CSMD1: variants seen among roughly 807,000 people sequenced by gnomAD.
The protein encoded by CSMD1 is CUB and Sushi multiple domains 1, also known as CUB and sushi domain-containing protein 1.
Under a neutral mutation model 417.5 loss-of-function variants are expected in CSMD1, and 213 were observed. That is an observed-to-expected ratio of 0.51 (90% confidence interval 0.46 to 0.57). CSMD1 has a LOEUF of 0.57. Ranked by LOEUF, CSMD1 falls within the 20% of genes least tolerant of loss-of-function variation. The pLI is 0.00. For missense variants in CSMD1, 6,923 were observed against 4,529.7 expected, an observed-to-expected ratio of 1.53 and a Z score of -15.17; for synonymous variants, 2,862 against 1,736.8, an observed-to-expected ratio of 1.65 and a Z score of -16.11.
At chr8:4,273,835 G>C (rs143373236) in intron 3 of CSMD1, among the ~76,000 whole-genome samples, 3 of 152,138 alleles carry the variant, frequency 2.0e-5, no homozygotes, top group African/African-American at 7.2e-5. Flanking sequence ...CCAAATGGTT[G>C]TGAAGGTGAA....
rs371046482 is a variant in CSMD1 at position 3,243,438 on chromosome 8, T to C, written c.4154-13207A>G. Among the ~76,000 whole-genome samples, 63 of 141,320 alleles carry C rather than the reference T, an allele frequency of 4.5e-4. 1 individual carries two copies. In the East Asian group the frequency reaches 8.2e-3, roughly 18 times the overall value. The allele number at this position is 141,320 out of a possible 152,430, so 92.7% of individuals were successfully genotyped here. A position where few individuals can be genotyped will look rare whatever the true frequency, so the allele number is the denominator to read the frequency against. ...AAAGAGAGTCACTGAAGGGAGACTT[T>C]GAGTAGGTAAAGGAAAATTACAGTC... On this transcript the variant is annotated intron_variant, in intron 26 of 69. Transcript: ENST00000635120.
At chr8:3,452,899 C>A (rs1045089253) in intron 12 of CSMD1, among the ~76,000 whole-genome samples, 1 of 152,164 alleles carries the variant, frequency 6.6e-6, no homozygotes, top group East Asian at 1.9e-4. Context: ...ATGGTACCAG[C>A]TCCTCCTTGT....
intron 3 of CSMD1, among the ~76,000 whole-genome samples, chr8:4,265,442 C>G (rs1804181180): frequency 2.0e-5 from 1 of 50,348 alleles, no homozygotes; most frequent in African/African-American, 3.6e-5. Context: ...AAAGTGTCCT[C>G]TAACTTAATT....
At chr8:2,951,677 T>C (rs1226862984) in intron 65 of CSMD1, among the ~76,000 whole-genome samples, 1 of 152,180 alleles carries the variant, frequency 6.6e-6, no homozygotes, top group African/African-American at 2.4e-5. Flanking sequence ...CCAAGTCTAC[T>C]CTTTGAAAGA....
intron 6 of CSMD1, among the ~76,000 whole-genome samples, chr8:3,749,147 A>G (rs1797197318): frequency 6.6e-6 from 1 of 152,208 alleles, no homozygotes; most frequent in African/African-American, 2.4e-5. Context: ...AAACGTCTAG[A>G]TGATGGATTG....
At chr8:3,459,460 C>G (rs1473899889) in intron 12 of CSMD1, among the ~76,000 whole-genome samples, 1 of 152,208 alleles carries the variant, frequency 6.6e-6, no homozygotes, top group African/African-American at 2.4e-5. Flanking sequence ...TGACCTGAAT[C>G]TCCGTCTATG....
At chr8:4,114,030 T>C (rs1802001403) in intron 3 of CSMD1, among the ~76,000 whole-genome samples, 1 of 152,132 alleles carries the variant, frequency 6.6e-6, no homozygotes. Flanking sequence ...ACATCTAAGA[T>C]CATTGATGAA....
chr8:4,680,785 G>C (rs1040634146), intron 1 of CSMD1, among the ~76,000 whole-genome samples: 6 of 151,966 alleles, frequency 3.9e-5, no homozygotes, highest in African/African-American at 1.5e-4. Context: ...TCACCATGTT[G>C]GCCAGGATGG....
At position 4,495,447 on chromosome 8, in the gene CSMD1, T is replaced by C. The variant is rs778608714; in HGVS notation, c.303-75382A>G. Among the ~76,000 whole-genome samples the C allele has an allele frequency of 5.9e-5, 9 of 151,948 alleles. 1 individual carries two copies. On this transcript the variant is annotated intron_variant, in intron 2 of 69. Transcript: ENST00000635120. ...AAAATTAGCTAGGCCTGGTGACGTG[T>C]GCCTGTAATCCCACCTACTCGGGAG...
Position 2,938,727 on chromosome 8 carries a change from T to G in CSMD1, c.10553A>C (p.Gln3518Pro), listed in dbSNP as rs1801662184. 3.1e-6 allele frequency: 5 copies of G among 1,609,642 alleles called. No individual in the cohort carries two copies. Among genetic ancestry groups the G allele is most frequent in the African/African-American group, 1.3e-5 (1 of 74,916 alleles). ...LYKHRTRPKV[Q>P]YNGYAGHENS... ...TTCATGCCCAGCATAGCCATTGTAT[T>G]GAACTTTTGGTCTCGTTCTAAGGAA... is the stretch of plus-strand genomic sequence containing the variant. Residue 3518 changes from glutamine to proline, a missense_variant, in exon 70 of 70, where the codon CAA becomes CCA. Coordinates refer to ENST00000635120, the MANE Select transcript of CSMD1 (RefSeq NM_033225.6).
chr8:3,635,999 C>T (rs1797027432), intron 7 of CSMD1, among the ~76,000 whole-genome samples: 1 of 152,078 alleles, frequency 6.6e-6, no homozygotes, highest in Non-Finnish European at 1.5e-5. Flanking sequence ...TAGCTTGAAA[C>T]ACAAACACAT....
rs997705190 is a variant in CSMD1 at position 4,477,741 on chromosome 8, G to C, written c.303-57676C>G. 3.3e-5 allele frequency among the ~76,000 whole-genome samples: 5 copies of C among 152,208 alleles called. No individual in the cohort carries two copies. In the East Asian group the frequency reaches 5.8e-4, roughly 18 times the overall value. ...TATGCACATACCAAAAGCCATTCTT[G>C]TCCAAACCTCTTACTCACAATACTG... On this transcript the variant is annotated intron_variant, in intron 2 of 69. Transcript: ENST00000635120.
intron 5 of CSMD1, among the ~76,000 whole-genome samples, chr8:3,843,803 T>C (rs1803296583): frequency 6.6e-6 from 1 of 152,196 alleles, no homozygotes; most frequent in African/African-American, 2.4e-5. Flanking sequence ...ATGAAAGTAA[T>C]ACTTCCAAGG....
chr8:3,790,000 G>A (rs932517674), intron 5 of CSMD1, among the ~76,000 whole-genome samples: 8 of 152,004 alleles, frequency 5.3e-5, no homozygotes, highest in Admixed American at 3.9e-4. Flanking sequence ...CAAAGTGCTG[G>A]GATTACAGGC....
intron 1 of CSMD1, among the ~76,000 whole-genome samples, chr8:4,992,624 G>A (rs1391305202): frequency 6.6e-6 from 1 of 152,166 alleles, no homozygotes; most frequent in Non-Finnish European, 1.5e-5. Flanking sequence ...ACCTCACAGG[G>A]CACAACCCTC....
intron 26 of CSMD1, among the ~76,000 whole-genome samples, chr8:3,234,973 G>C (rs948529657): frequency 6.6e-6 from 1 of 152,236 alleles, no homozygotes; most frequent in East Asian, 1.9e-4. Context: ...GCACAATCTT[G>C]TTCATCTGAA....
chr8:4,117,840 A>T (rs765871156), intron 3 of CSMD1, among the ~76,000 whole-genome samples: 1 of 152,122 alleles, frequency 6.6e-6, no homozygotes, highest in Non-Finnish European at 1.5e-5. Context: ...CTCACTTTCC[A>T]AACAAAAGAC....
intron 11 of CSMD1, among the ~76,000 whole-genome samples, chr8:3,476,840 C>T (rs766203291): frequency 1.3e-5 from 2 of 149,510 alleles, no homozygotes; most frequent in Admixed American, 6.8e-5. Context: ...ATGGCTTGAA[C>T]CTGGGAAGCA....
At position 3,773,602 on chromosome 8, in the gene CSMD1, G is replaced by T. The variant is rs1222503763; in HGVS notation, c.819-19560C>A. ...ACACCCGTCCTATAATAGGTATTTA[G>T]TGAAGACAAAGTAAGTCCAGTGTAA... is the stretch of plus-strand genomic sequence containing the variant. On this transcript the variant is annotated intron_variant, in intron 5 of 69. Coordinates refer to ENST00000635120, the MANE Select transcript of CSMD1 (RefSeq NM_033225.6). 6.6e-5 allele frequency among the ~76,000 whole-genome samples: 10 copies of T among 152,242 alleles called. No homozygotes were observed. In the East Asian group the frequency reaches 1.7e-3, roughly 26 times the overall value.
Sources: allele counts gnomAD v4.1 joint callset (sites outside exome capture counted in the v4.1 genomes callset), GRCh38; gene constraint gnomAD v4.1.1; transcripts MANE v1.5; gene names NCBI Gene and HGNC (gene_info 2026-07-23, HGNC 2026-07-21).